KIAA1217: variants seen among roughly 807,000 people sequenced by gnomAD.
The protein encoded by KIAA1217 is sickle tail protein homolog.
In KIAA1217, 88 loss-of-function variants were observed where a neutral mutation model predicts 163.9. The ratio of observed to expected loss-of-function variants is 0.54; its 90% CI spans 0.45 to 0.64. KIAA1217 has a LOEUF of 0.64. KIAA1217 is among the 30% of genes least tolerant of loss of function. KIAA1217 has a pLI of 0.00. For missense variants in KIAA1217, 2,372 were observed against 2,475.0 expected, an observed-to-expected ratio of 0.96 and a Z score of 0.88; for synonymous variants, 903 against 923.1, an observed-to-expected ratio of 0.98 and a Z score of 0.39.
chr10:24,521,573 C>G (rs560868247), intron 11 of KIAA1217, among the ~76,000 whole-genome samples: 1 of 152,138 alleles, frequency 6.6e-6, no homozygotes, highest in African/African-American at 2.4e-5. Context: ...AATACACAGA[C>G]AGGAAACAGG....
rs577639297 is a variant in KIAA1217, at chr10:23,959,328, G to A, written c.-320-47897G>A. Among the ~76,000 whole-genome samples, 11 of 151,984 alleles carry A rather than the reference G, an allele frequency of 7.2e-5. No homozygotes were observed. In the South Asian group the frequency reaches 1.5e-3, roughly 20 times the overall value. On this transcript the variant is annotated intron_variant, in intron 1 of 18. Transcript: ENST00000376462. ...GAGGATTGTTTGAGGCTAGGAGTTC[G>A]AGACCAGCCTGGGCAACATAGCAAG...
intron 2 of KIAA1217, among the ~76,000 whole-genome samples, chr10:24,030,875 C>G (rs1201363388): frequency 6.6e-6 from 1 of 152,162 alleles, no homozygotes; most frequent in African/African-American, 2.4e-5. Flanking sequence ...AAAGAATATT[C>G]CATTTTATGT....
At chr10:24,141,287 C>A (rs1215089952) in intron 2 of KIAA1217, among the ~76,000 whole-genome samples, 1 of 137,470 alleles carries the variant, frequency 7.3e-6, no homozygotes, top group Non-Finnish European at 1.5e-5. Context: ...GAGAACGTTC[C>A]CCTCCAATCC....
chr10:23,763,749 A>G (rs1401776275), intron 1 of KIAA1217, among the ~76,000 whole-genome samples: 2 of 152,222 alleles, frequency 1.3e-5, no homozygotes, highest in African/African-American at 4.8e-5. Context: ...GCACATACAC[A>G]AAGTCATATA....
intron 1 of KIAA1217, among the ~76,000 whole-genome samples, chr10:23,974,698 T>C (rs992097202): frequency 1.3e-5 from 2 of 152,180 alleles, no homozygotes; most frequent in African/African-American, 4.8e-5. Context: ...GCTCAGCTCA[T>C]ATTATATGCT....
intron 1 of KIAA1217, among the ~76,000 whole-genome samples, chr10:23,986,341 C>G (rs150611045): frequency 6.6e-6 from 1 of 152,208 alleles, no homozygotes; most frequent in South Asian, 2.1e-4. Flanking sequence ...ACAGTTGTCC[C>G]TCAGTTTCAG....
chr10:24,428,147 C>T (rs1012942089), intron 3 of KIAA1217, among the ~76,000 whole-genome samples: 9 of 152,118 alleles, frequency 5.9e-5, no homozygotes, highest in African/African-American at 1.7e-4. Context: ...CTTCTGGGAG[C>T]GAGGCTGTGA....
At chr10:24,277,086 A>T (rs1055627257) in intron 2 of KIAA1217, among the ~76,000 whole-genome samples, 2 of 152,110 alleles carry the variant, frequency 1.3e-5, no homozygotes, top group Non-Finnish European at 2.9e-5. Flanking sequence ...TTTTAAACCA[A>T]TCTTAAAATG....
chr10:24,403,095 A>G (rs1038590793), intron 3 of KIAA1217, among the ~76,000 whole-genome samples: 4 of 152,226 alleles, frequency 2.6e-5, no homozygotes, highest in African/African-American at 9.6e-5. Flanking sequence ...AAAATGGAAA[A>G]CCATACAACT....
chr10:23,799,918 C>G (rs1836389599), intron 1 of KIAA1217, among the ~76,000 whole-genome samples: 1 of 152,128 alleles, frequency 6.6e-6, no homozygotes, highest in South Asian at 2.1e-4. Context: ...AATATGTTAG[C>G]CCTTCAAGAA....
chr10:23,882,147 G>A (rs1472053632), intron 1 of KIAA1217, among the ~76,000 whole-genome samples: 2 of 151,930 alleles, frequency 1.3e-5, no homozygotes, highest in African/African-American at 2.4e-5. Flanking sequence ...ACAATTTTGA[G>A]GTTTTATTTC....
intron 2 of KIAA1217, among the ~76,000 whole-genome samples, chr10:24,330,941 A>T (rs577982229): frequency 4.9e-4 from 74 of 151,648 alleles, no homozygotes; most frequent in Non-Finnish European, 5.2e-4. Context: ...TCTTATATAT[A>T]TTTTTTTATT....
chr10:24,112,809 A>G (rs1265244063), intron 2 of KIAA1217, among the ~76,000 whole-genome samples: 1 of 151,450 alleles, frequency 6.6e-6, no homozygotes, highest in Non-Finnish European at 1.5e-5. Context: ...GACGGTCTCG[A>G]TCTCCTGACC....
Position 23,784,031 on chromosome 10 carries a change from C to A in KIAA1217, c.-321+88797C>A, listed in dbSNP as rs1835376778. Reference sequence around the variant, plus strand: ...TTGGTTTTTTTCTGCATTTTTTATACTCTAATGAAGTATTGAAGTCTCCTG... The same window carrying A: ...TTGGTTTTTTTCTGCATTTTTTATAATCTAATGAAGTATTGAAGTCTCCTG... On this transcript the variant is annotated intron_variant, in intron 1 of 18. Transcript: ENST00000376462. Among the ~76,000 whole-genome samples, 3 of 151,102 alleles carry A rather than the reference C, an allele frequency of 2.0e-5. No individual in the cohort carries two copies. The East Asian group carries it at 5.8e-4, about 29-fold the overall frequency.
chr10:24,510,049 C>T (rs1256715517), intron 9 of KIAA1217, among the ~76,000 whole-genome samples: 1 of 152,096 alleles, frequency 6.6e-6, no homozygotes, highest in Non-Finnish European at 1.5e-5. Flanking sequence ...CAAGTGTCAA[C>T]TGTATATGTT....
At chr10:24,364,954 A>G (rs220335) in intron 2 of KIAA1217, among the ~76,000 whole-genome samples, 57,405 of 151,578 alleles carry the variant, frequency 0.38, 10,966 homozygotes, top group South Asian at 0.49. Flanking sequence ...ACTTGTCACC[A>G]CACCAAGCTA....
At chr10:24,189,949 A>G (rs1384030203) in intron 2 of KIAA1217, among the ~76,000 whole-genome samples, 1 of 151,458 alleles carries the variant, frequency 6.6e-6, no homozygotes, top group Non-Finnish European at 1.5e-5. Context: ...TGAGCCAAGG[A>G]GTTCAAGGCT....
intron 2 of KIAA1217, among the ~76,000 whole-genome samples, chr10:24,120,340 T>C (rs1564724532): frequency 6.6e-6 from 1 of 152,138 alleles, no homozygotes; most frequent in Non-Finnish European, 1.5e-5. Flanking sequence ...GAACCCACCC[T>C]TGGGAGACGG....
Position 24,521,880 on chromosome 10 carries a change from C to A in KIAA1217, c.2407C>A (p.Leu803Ile). Residue 803 changes from leucine (L) to isoleucine (I), a missense_variant, in exon 12 of 21, where the codon CTC becomes ATC. Physicochemically the swap from Leu to Ile is conservative, Grantham distance 5 (BLOSUM62 2). Coordinates refer to ENST00000376454, the MANE Select transcript of KIAA1217 (RefSeq NM_019590.5). ...GGAGGAGCCACACAAGCTGGACAGT[C>A]TCCTGAAGCGTGTGCGCAGCATGAC... The part of the protein sequence containing the change: ...LKEEPHKLDS[L>I]LKRVRSMTDV... The A allele has an allele frequency of 1.2e-6, 2 of 1,613,726 alleles. No individual in the cohort carries two copies. Among genetic ancestry groups the A allele is most frequent in the Non-Finnish European group, 1.7e-6 (2 of 1,180,026 alleles).
Sources: allele counts gnomAD v4.1 joint callset (sites outside exome capture counted in the v4.1 genomes callset), GRCh38; gene constraint gnomAD v4.1.1; transcripts MANE v1.5; gene names NCBI Gene and HGNC (gene_info 2026-07-23, HGNC 2026-07-21).